DOCK3: variants seen among roughly 807,000 people sequenced by gnomAD.
DOCK3 encodes the protein dedicator of cytokinesis 3, also known as dedicator of cytokinesis protein 3.
Under a neutral mutation model 265.6 loss-of-function variants are expected in DOCK3, and 60 were observed. The ratio of observed to expected loss-of-function variants is 0.23; its 90% confidence interval spans 0.18 to 0.28. The LOEUF is 0.28. Ranked by LOEUF, DOCK3 falls within the 10% of genes least tolerant of loss-of-function variation. DOCK3 has a pLI of 1.00. For synonymous variants in DOCK3, 881 were observed against 938.0 expected, an observed-to-expected ratio of 0.94 and a Z score of 1.11; for missense variants, 1,981 against 2,594.3, an observed-to-expected ratio of 0.76 and a Z score of 5.14.
At chr3:51,364,211 T>A (rs567883470) in intron 49 of DOCK3, among the ~76,000 whole-genome samples, 26 of 152,366 alleles carry the variant, frequency 1.7e-4, no homozygotes, top group African/African-American at 6.3e-4. Flanking sequence ...TCATTGTGGT[T>A]TTGATTTGCA....
At chr3:50,883,752 G>T (rs2048182209) in intron 3 of DOCK3, among the ~76,000 whole-genome samples, 1 of 152,066 alleles carries the variant, frequency 6.6e-6, no homozygotes, top group Non-Finnish European at 1.5e-5. Context: ...AATCTAGAAT[G>T]TAAAATACAC....
chr3:50,757,671 C>T (rs961646996), intron 1 of DOCK3, among the ~76,000 whole-genome samples: 2 of 151,996 alleles, frequency 1.3e-5, no homozygotes, highest in Non-Finnish European at 2.9e-5. Context: ...CTTGGTTTCA[C>T]ATCTAAGAAA....
chr3:50,985,388 T>A (rs1444736385), intron 5 of DOCK3, among the ~76,000 whole-genome samples: 1 of 152,230 alleles, frequency 6.6e-6, no homozygotes, highest in Non-Finnish European at 1.5e-5. Context: ...TTTAAATGCC[T>A]ATGGATATGT....
intron 27 of DOCK3, among the ~76,000 whole-genome samples, chr3:51,309,603 G>A (rs1212424102): frequency 1.1e-4 from 14 of 132,310 alleles, no homozygotes; most frequent in Non-Finnish European, 1.6e-4. Context: ...ACCGTGGGGA[G>A]AGGGAGAGGG....
At position 50,741,751 on chromosome 3, in the gene DOCK3, T is replaced by C. The variant is rs573594932; in HGVS notation, c.38-36924T>C. Among the ~76,000 whole-genome samples, 4 of 152,116 alleles carry C rather than the reference T, an allele frequency of 2.6e-5. No individual in the cohort carries two copies. In the East Asian group the frequency reaches 5.8e-4, roughly 22 times the overall value. ...AATAAACATACGTGTGCGTGTGTCT[T>C]TATAGCAGCATGATTTATAGTCCTT... is the stretch of plus-strand genomic sequence containing the variant. On this transcript the variant is annotated intron_variant, in intron 1 of 52. Transcript: ENST00000266037.
At chr3:51,146,395 G>A (rs1172467203) in intron 9 of DOCK3, among the ~76,000 whole-genome samples, 154 bp from the exon 10 acceptor site, 1 of 152,194 alleles carries the variant, frequency 6.6e-6, no homozygotes, top group Non-Finnish European at 1.5e-5. Flanking sequence ...CAGGAAAAAA[G>A]AGGGTGTCCT....
chr3:50,841,711 T>TGAA lies in DOCK3; in HGVS notation c.160_162dup (p.Lys54dup). 1 of 1,155,096 alleles carries TGAA rather than the reference T, an allele frequency of 8.7e-7. No individual in the cohort carries two copies. Among genetic ancestry groups the TGAA allele is most frequent in the Non-Finnish European group, 1.1e-6 (1 of 895,204 alleles). The allele number at this position is 1,155,096 out of a possible 1,614,324, so 71.6% of individuals were successfully genotyped here. ...GGAGTTTCAACAAAGAAGCCAAATG[T>TGAA]GAAGGTAATGAAAAGTTTATTGTTA... On this transcript the variant is annotated inframe_insertion, in exon 3 of 53. Coordinates refer to ENST00000266037, the MANE Select transcript of DOCK3 (RefSeq NM_004947.5).
At chr3:51,016,041 C>T (rs369934536) in intron 5 of DOCK3, among the ~76,000 whole-genome samples, 1 of 12,572 alleles carries the variant, frequency 8.0e-5, no homozygotes, top group African/African-American at 6.5e-4. Context: ...TATATTTCTA[C>T]ATATGATATA....
Position 51,381,136 on chromosome 3 carries a change from C to T in DOCK3, c.5670C>T (p.Ser1890=). Residue 1890 remains serine, a synonymous_variant, in exon 53 of 53, where the codon AGC becomes AGT. Coordinates refer to ENST00000266037, the MANE Select transcript of DOCK3 (RefSeq NM_004947.5). This position sits in a 1 kb window ranked among gnomAD's most constrained non-coding sequence, Gnocchi z 5.6. ...ACTCTACGCTGTCCGGCAGTGCCAG[C>T]AGCGGCGTGTCCTCCTTGAGTGAGA... is the stretch of plus-strand genomic sequence containing the variant. ...GSNSTLSGSA[S]SGVSSLSESN... The T allele has an allele frequency of 6.2e-7, 1 of 1,613,962 alleles. No individual in the cohort carries two copies. The highest frequency in any genetic ancestry group is 1.7e-5 in the Admixed American group (1 of 60,030).
chr3:51,278,094 C>A (rs577732321), intron 26 of DOCK3: 1 of 984,706 alleles, frequency 1.0e-6, no homozygotes. Context: ...CAGACTATTT[C>A]TTCTAGGAAC....
At chr3:50,678,995 A>G (rs927561020) in intron 1 of DOCK3, among the ~76,000 whole-genome samples, 2 of 151,890 alleles carry the variant, frequency 1.3e-5, no homozygotes, top group African/African-American at 2.4e-5. Context: ...TTGTATTTTT[A>G]GTAGAGATGA....
At chr3:50,770,423 G>A (rs1201036138) in intron 1 of DOCK3, among the ~76,000 whole-genome samples, 1 of 150,358 alleles carries the variant, frequency 6.7e-6, no homozygotes, top group African/African-American at 2.4e-5. Context: ...TATAAACACT[G>A]ATGAAAGAAA....
At chr3:51,086,867 A>T (rs1232507663) in intron 7 of DOCK3, among the ~76,000 whole-genome samples, 4 of 152,206 alleles carry the variant, frequency 2.6e-5, no homozygotes, top group African/African-American at 9.6e-5. Context: ...ACATATTGGA[A>T]AACCTAGAGG....
intron 21 of DOCK3, among the ~76,000 whole-genome samples, chr3:51,242,392 C>T (rs1399932644): frequency 6.6e-6 from 1 of 152,142 alleles, no homozygotes; most frequent in African/African-American, 2.4e-5. Context: ...CTGGATCTAT[C>T]CCTGTTCACA....
chr3:51,229,048 G>T (rs986521291), intron 18 of DOCK3, among the ~76,000 whole-genome samples: 3 of 152,232 alleles, frequency 2.0e-5, no homozygotes. Flanking sequence ...GTTTACAGAT[G>T]AGTCTTTGGC....
chr3:51,227,947 G>A (rs2090398747), intron 16 of DOCK3, 35 bp from the exon 17 acceptor site: 2 of 1,604,648 alleles, frequency 1.2e-6, no homozygotes, highest in Non-Finnish European at 1.7e-6. Flanking sequence ...CAGAGTGGAA[G>A]GCAAAAAACA....
intron 12 of DOCK3, among the ~76,000 whole-genome samples, chr3:51,203,517 A>C (rs894257253): frequency 1.6e-4 from 24 of 152,238 alleles, no homozygotes; most frequent in African/African-American, 5.8e-4. Flanking sequence ...ATTAAAGAGG[A>C]TACAAACAAA....
At chr3:51,223,187 C>T (rs1485313825) in intron 14 of DOCK3, among the ~76,000 whole-genome samples, 1 of 152,182 alleles carries the variant, frequency 6.6e-6, no homozygotes, top group African/African-American at 2.4e-5. Context: ...GTGCTCACTT[C>T]AGCCTCCTTA....
At chr3:50,748,262 C>T (rs2108288130) in intron 1 of DOCK3, among the ~76,000 whole-genome samples, 1 of 152,264 alleles carries the variant, frequency 6.6e-6, no homozygotes, top group African/African-American at 2.4e-5. Flanking sequence ...CCACTTCAGC[C>T]TCCCAAGGTG....
Sources: allele counts gnomAD v4.1 joint callset (sites outside exome capture counted in the v4.1 genomes callset), GRCh38; gene constraint gnomAD v4.1.1; non-coding constraint Gnocchi (gnomAD v3.1); transcripts MANE v1.5; gene names NCBI Gene and HGNC (gene_info 2026-07-23, HGNC 2026-07-21).